Variants in FOXO1 observed in about 807,000 individuals in gnomAD.
FOXO1 encodes the protein forkhead box protein O1.
Under a neutral mutation model 44.1 loss-of-function variants are expected in FOXO1, and 6 were observed. That is an observed-to-expected ratio of 0.14 (90% CI 0.07 to 0.27). The LOEUF is 0.27. FOXO1 is among the 10% of genes least tolerant of loss of function. FOXO1 has a pLI of 1.00. For missense variants in FOXO1, 737 were observed against 888.8 expected, an observed-to-expected ratio of 0.83 and a Z score of 2.17; for synonymous variants, 380 against 362.7, an observed-to-expected ratio of 1.05 and a Z score of -0.54.
intron 1 of FOXO1, among the ~76,000 whole-genome samples, chr13:40,611,607 C>A (rs944563069): frequency 2.6e-5 from 4 of 152,188 alleles, no homozygotes; most frequent in African/African-American, 9.7e-5. Context: ...CCCTCCTCAC[C>A]TGACTCTTCT....
rs766830396 is a variant in FOXO1, at chr13:40,559,865, C to T, written c.1626G>A (p.Thr542=). 8.1e-6 allele frequency: 13 copies of T among 1,614,056 alleles called. No homozygotes were observed. Among genetic ancestry groups the T allele is most frequent in the South Asian group, 6.6e-5 (6 of 91,062 alleles). Residue 542 remains threonine, a synonymous_variant, in exon 2 of 3, where the codon ACG becomes ACA. Coordinates refer to ENST00000379561, the MANE Select transcript of FOXO1 (RefSeq NM_002015.4). The part of the protein sequence containing the change: ...SAVNGRPLPH[T]VSTMPHTSGM... ...CCGAGGTGTGGGGCATGGTGCTTAC[C>T]GTGTGGGGCAGGGGACGCCCGTTAA... is the stretch of plus-strand genomic sequence containing the variant.
chr13:40,618,759 T>C, intron 1 of FOXO1: 1 of 494,866 alleles, frequency 2.0e-6, no homozygotes, highest in Non-Finnish European at 4.0e-6. Flanking sequence ...TAGATCTAGA[T>C]CAGATGGTGG....
At chr13:40,665,086 C>G (rs1351593131) in intron 1 of FOXO1, among the ~76,000 whole-genome samples, 1 of 151,756 alleles carries the variant, frequency 6.6e-6, no homozygotes, top group Non-Finnish European at 1.5e-5. Flanking sequence ...CTGTCCCCTC[C>G]ACCTGCAGCC....
intron 1 of FOXO1, among the ~76,000 whole-genome samples, chr13:40,614,219 T>C (rs1168027156): frequency 6.6e-6 from 1 of 152,210 alleles, no homozygotes; most frequent in Non-Finnish European, 1.5e-5. Context: ...AACAGTTTGC[T>C]GTGTGCTTGC....
intron 1 of FOXO1, among the ~76,000 whole-genome samples, chr13:40,639,652 C>G (rs1353513460): frequency 6.6e-6 from 1 of 152,246 alleles, no homozygotes; most frequent in Non-Finnish European, 1.5e-5. Context: ...GTGCTTTGCA[C>G]GGTGTTTAGC....
chr13:40,582,708 C>A (rs1875004175), intron 1 of FOXO1, among the ~76,000 whole-genome samples: 1 of 152,208 alleles, frequency 6.6e-6, no homozygotes, highest in Non-Finnish European at 1.5e-5. Flanking sequence ...GCAATTCAAT[C>A]ACATCTTCAG....
intron 1 of FOXO1, among the ~76,000 whole-genome samples, chr13:40,584,279 C>A (rs1875066073): frequency 6.6e-6 from 1 of 151,812 alleles, no homozygotes; most frequent in South Asian, 2.1e-4. Flanking sequence ...ACCTTGCTCA[C>A]CCATCTCAAA....
At chr13:40,639,925 C>T (rs1272890894) in intron 1 of FOXO1, among the ~76,000 whole-genome samples, 1 of 152,210 alleles carries the variant, frequency 6.6e-6, no homozygotes, top group Non-Finnish European at 1.5e-5. Context: ...TCCCTCAATC[C>T]TCACGACAAT....
At chr13:40,664,007 G>C (rs752907325) in intron 1 of FOXO1, among the ~76,000 whole-genome samples, 1 of 152,228 alleles carries the variant, frequency 6.6e-6, no homozygotes, top group Admixed American at 6.5e-5. Context: ...GGGAACGGTG[G>C]CTCACGCCTG....
chr13:40,613,120 A>G (rs144480187), intron 1 of FOXO1, among the ~76,000 whole-genome samples: 152 of 152,314 alleles, frequency 1.0e-3, no homozygotes, highest in Non-Finnish European at 1.8e-3. Flanking sequence ...GGTAAAAAAG[A>G]ACACCTCATG....
chr13:40,634,355 A>G (rs1378017683), intron 1 of FOXO1, among the ~76,000 whole-genome samples: 1 of 152,228 alleles, frequency 6.6e-6, no homozygotes, highest in Non-Finnish European at 1.5e-5. Flanking sequence ...CTGTATAGAC[A>G]GTATCAAATC....
At chr13:40,608,563 A>T (rs73465278) in intron 1 of FOXO1, among the ~76,000 whole-genome samples, 1 of 152,216 alleles carries the variant, frequency 6.6e-6, no homozygotes, top group African/African-American at 2.4e-5. Context: ...TCAAAAATGC[A>T]TATTTCTCCT....
At chr13:40,566,795 A>T (rs559867341) in intron 1 of FOXO1, among the ~76,000 whole-genome samples, 3 of 152,194 alleles carry the variant, frequency 2.0e-5, no homozygotes, top group Non-Finnish European at 4.4e-5. Context: ...AGGGTATGTG[A>T]TTTTTTTAAT....
chr13:40,603,804 A>C (rs1875896999), intron 1 of FOXO1, among the ~76,000 whole-genome samples: 1 of 152,218 alleles, frequency 6.6e-6, no homozygotes, highest in African/African-American at 2.4e-5. Flanking sequence ...TTATTTTCAC[A>C]TTCATATTTA....
At chr13:40,618,917 G>A in intron 1 of FOXO1, 1 of 526,522 alleles carries the variant, frequency 1.9e-6, no homozygotes, top group Non-Finnish European at 3.8e-6. Context: ...CTCCCCTAGA[G>A]AAATAACATC....
At chr13:40,657,319 CT>C (rs369503666) in intron 1 of FOXO1, among the ~76,000 whole-genome samples, 70 of 127,776 alleles carry the variant, frequency 5.5e-4, no homozygotes, top group Non-Finnish European at 5.6e-4. Context: ...CCTTTTTTTT[CT>C]TTTTTTTTTT....
intron 1 of FOXO1, among the ~76,000 whole-genome samples, chr13:40,608,563 A>G (rs73465278): frequency 2.8e-4 from 42 of 152,334 alleles, no homozygotes; most frequent in African/African-American, 7.7e-4. Context: ...TCAAAAATGC[A>G]TATTTCTCCT....
chr13:40,646,348 A>G (rs1303885817), intron 1 of FOXO1, among the ~76,000 whole-genome samples: 1 of 134,996 alleles, frequency 7.4e-6, no homozygotes, highest in Non-Finnish European at 1.6e-5. Flanking sequence ...CTGGAGTGCT[A>G]ATTTTTGTAT....
intron 1 of FOXO1, among the ~76,000 whole-genome samples, chr13:40,585,343 G>GCGCACACACACACACACA (rs10623475): frequency 6.1e-5 from 9 of 147,126 alleles, no homozygotes; most frequent in South Asian, 4.4e-4. Flanking sequence ...CTGCGCGCGC[G>GCGCACACACACACACACA]CACACACACA....
Sources: allele counts gnomAD v4.1 joint callset (sites outside exome capture counted in the v4.1 genomes callset), GRCh38; gene constraint gnomAD v4.1.1; transcripts MANE v1.5; gene names NCBI Gene and HGNC (gene_info 2026-07-23, HGNC 2026-07-21).